SCRN1: variants seen among roughly 807,000 people sequenced by gnomAD.
SCRN1 encodes the protein secernin 1, also known as secernin-1.
A neutral mutation model predicts 43.3 loss-of-function variants in SCRN1; 19 were observed. The observed-to-expected ratio is 0.44, with a 90% CI of 0.31 to 0.64. The LOEUF is 0.64. SCRN1 is among the 30% of genes least tolerant of loss of function. The pLI, the probability that SCRN1 is intolerant of heterozygous loss-of-function variation, is 0.09. For synonymous variants in SCRN1, 183 were observed against 188.9 expected, an observed-to-expected ratio of 0.97 and a Z score of 0.26; for missense variants, 447 against 524.1, an observed-to-expected ratio of 0.85 and a Z score of 1.44.
In SCRN1 at chr7:29,933,077, G is replaced by A. The variant is rs183993463; in HGVS notation, c.905+3479C>T. 1.4e-4 allele frequency among the ~76,000 whole-genome samples: 21 copies of A among 151,784 alleles called. No individual in the cohort carries two copies. The East Asian group carries it at 2.1e-3, about 16-fold the overall frequency. On this transcript the variant is annotated intron_variant, in intron 6 of 7. Coordinates refer to ENST00000242059, the MANE Select transcript of SCRN1 (RefSeq NM_014766.5). ...TTTTTTTTAGTAGAGACAGGGTTTC[G>A]CCATGTTGGCCAGGCTGGTCTGGAA... is the stretch of plus-strand genomic sequence containing the variant.
intron 5 of SCRN1, among the ~76,000 whole-genome samples, chr7:29,939,162 G>A (rs1056764681): frequency 6.6e-6 from 1 of 151,990 alleles, no homozygotes; most frequent in Non-Finnish European, 1.5e-5. Flanking sequence ...AAGTGCTATA[G>A]CAAAAGTCCT....
In SCRN1 at chr7:29,961,801, A is replaced by ACGGAGCGGCTGGCCGGG. The variant is rs1483511670; in HGVS notation, c.160-6458_160-6442dup. Among the ~76,000 whole-genome samples the ACGGAGCGGCTGGCCGGG allele has an allele frequency of 1.1e-3, 168 of 146,990 alleles. 1 individual carries two copies. Among genetic ancestry groups the ACGGAGCGGCTGGCCGGG allele is most frequent in the African/African-American group, 4.1e-3 (164 of 40,004 alleles). On this transcript the variant is annotated intron_variant, in intron 2 of 7. Transcript: ENST00000242059. ...GCTGACCCCCCCACCTCCCTCCCGG[A>ACGGAGCGGCTGGCCGGG]CGGAGCGGCTGGCCGGGCGGGGGGC...
rs1038537490 is a variant in SCRN1, at chr7:29,965,413, G to A, written c.159+3496C>T. ...TCAGTCTGAACGAGTCAGGGGCAGC[G>A]GGGAGGAGATGGACAAACAAGAGAG... On this transcript the variant is annotated intron_variant, in intron 2 of 7. Coordinates refer to ENST00000242059, the MANE Select transcript of SCRN1 (RefSeq NM_014766.5). This position sits in a 1 kb window ranked among gnomAD's most constrained non-coding sequence, Gnocchi z 4.2. Among the ~76,000 whole-genome samples, 7 of 152,236 alleles carry A rather than the reference G, an allele frequency of 4.6e-5. No homozygotes were observed. The highest frequency in any genetic ancestry group is 4.2e-4 in the South Asian group (2 of 4,816).
chr7:29,954,147 C>T (rs1432098531), intron 3 of SCRN1, among the ~76,000 whole-genome samples: 3 of 152,132 alleles, frequency 2.0e-5, no homozygotes, highest in Non-Finnish European at 1.5e-5. Context: ...GTTCCCAGTG[C>T]TTATGACACA....
chr7:29,943,530 G>A (rs17158543), intron 4 of SCRN1, among the ~76,000 whole-genome samples: 8,715 of 152,106 alleles, frequency 0.057, 305 homozygotes, highest in African/African-American at 0.09. Flanking sequence ...CCAGAGTGGC[G>A]TATACCGGTC....
Position 29,968,930 on chromosome 7 carries a change from G to A in SCRN1, c.138C>T (p.His46=), listed in dbSNP as rs923679742. 1.2e-6 allele frequency: 2 copies of A among 1,614,114 alleles called. No homozygotes were observed. Among genetic ancestry groups the A allele is most frequent in the African/African-American group, 1.3e-5 (1 of 75,012 alleles). ...QEVVYFSAAD[H]EPESKVECTY... ...TTACCTCAACCTTGCTCTCCGGTTCGTGATCAGCAGCCGAGAAATACACAA... is the reference window on the plus strand; with the variant it reads ...TTACCTCAACCTTGCTCTCCGGTTCATGATCAGCAGCCGAGAAATACACAA... Residue 46 remains histidine, a synonymous_variant, in exon 2 of 8, where the codon CAC becomes CAT. Coordinates refer to ENST00000242059, the MANE Select transcript of SCRN1 (RefSeq NM_014766.5).
At chr7:29,947,247 T>C (rs1374994124) in intron 3 of SCRN1, 15 of 1,550,730 alleles carry the variant, frequency 9.7e-6, no homozygotes, top group South Asian at 1.2e-5. Context: ...TAGGAAAATC[T>C]TTCCCTGGGA....
intron 1 of SCRN1, among the ~76,000 whole-genome samples, chr7:29,973,503 G>T (rs1268804178): frequency 6.6e-6 from 1 of 152,222 alleles, no homozygotes; most frequent in Non-Finnish European, 1.5e-5. Flanking sequence ...ACGGAGCCAA[G>T]AAATTAAAAA....
At chr7:29,981,323 C>G (rs1788986661) in intron 1 of SCRN1, among the ~76,000 whole-genome samples, 1 of 152,172 alleles carries the variant, frequency 6.6e-6, no homozygotes, top group Non-Finnish European at 1.5e-5. Flanking sequence ...CCCCTAACCA[C>G]CTACAAGCAC....
At chr7:29,952,717 G>A (rs1787991114) in intron 3 of SCRN1, among the ~76,000 whole-genome samples, 1 of 151,194 alleles carries the variant, frequency 6.6e-6, no homozygotes, top group African/African-American at 2.4e-5. Flanking sequence ...AGAGAATGCT[G>A]GGTAATGAGC....
At chr7:29,986,395 T>C in intron 1 of SCRN1, among the ~76,000 whole-genome samples, 1 of 152,258 alleles carries the variant, frequency 6.6e-6, no homozygotes, top group South Asian at 2.1e-4. Flanking sequence ...ATAAAATTAT[T>C]AATGATATTT....
rs1236427866 is a variant in SCRN1, at chr7:29,989,398, A to G, written c.-2+244T>C. Among the ~76,000 whole-genome samples, 3 of 151,922 alleles carry G rather than the reference A, an allele frequency of 2.0e-5. No individual in the cohort carries two copies. In the South Asian group the frequency reaches 6.2e-4, roughly 32 times the overall value. ...GGGAGCCCGGGGCCGGCATCCCTCC[A>G]CTGCACCCCCGCAGTCCCCGAGCCG... On this transcript the variant is annotated intron_variant, in intron 1 of 7. Coordinates refer to ENST00000242059, the MANE Select transcript of SCRN1 (RefSeq NM_014766.5).
At chr7:29,988,299 C>T (rs1324070957) in intron 1 of SCRN1, among the ~76,000 whole-genome samples, 2 of 152,116 alleles carry the variant, frequency 1.3e-5, no homozygotes, top group Non-Finnish European at 2.9e-5. Context: ...TTTAGTTGAG[C>T]CTGGAGAAAA....
chr7:29,932,628 G>C (rs1331004513), intron 6 of SCRN1, among the ~76,000 whole-genome samples: 2 of 120,650 alleles, frequency 1.7e-5, no homozygotes, highest in African/African-American at 3.2e-5. Flanking sequence ...CTCCAGCCTA[G>C]GTAACAGAGT....
intron 4 of SCRN1, among the ~76,000 whole-genome samples, chr7:29,941,696 T>G (rs1787562941): frequency 6.6e-6 from 1 of 152,226 alleles, no homozygotes. Flanking sequence ...CATTTCACTT[T>G]GATGAATGAG....
At chr7:29,957,933 A>T (rs1018155275) in intron 2 of SCRN1, among the ~76,000 whole-genome samples, 2 of 152,186 alleles carry the variant, frequency 1.3e-5, no homozygotes, top group African/African-American at 4.8e-5. Context: ...TTGCCTGATT[A>T]AAAAAATGTT....
At chr7:29,925,615 G>A (rs1473280180) in intron 7 of SCRN1, among the ~76,000 whole-genome samples, 2 of 152,196 alleles carry the variant, frequency 1.3e-5, no homozygotes, top group Non-Finnish European at 2.9e-5. Flanking sequence ...CGTGCTTTGG[G>A]TGGTTTTCTT....
chr7:29,928,905 G>A (rs909686234), intron 6 of SCRN1, among the ~76,000 whole-genome samples: 2 of 152,196 alleles, frequency 1.3e-5, no homozygotes, highest in African/African-American at 4.8e-5. Flanking sequence ...TCTTTAACTG[G>A]TGAGTCAGTT....
chr7:29,969,230 G>T (rs776432913), intron 1 of SCRN1, 162 bp from the exon 2 acceptor site: 132 of 674,220 alleles, frequency 2.0e-4, no homozygotes, highest in Non-Finnish European at 2.8e-4. Context: ...TGGGACGCCT[G>T]CAGTGGAATG....
Sources: gnomAD v4.1 joint callset for allele counts (sites outside exome capture counted in the v4.1 genomes callset) on GRCh38, gnomAD v4.1.1 for gene constraint, Gnocchi (gnomAD v3.1) non-coding constraint, MANE v1.5 for transcripts, NCBI Gene and HGNC (gene_info 2026-07-23, HGNC 2026-07-21) for gene names.